Variants in GXYLT1 observed in about 807,000 individuals in gnomAD.
The protein encoded by GXYLT1 is glycosyltransferase 8 domain containing 3.
GXYLT1 carries 29 observed loss-of-function variants against 54.0 expected under a neutral mutation model. The observed-to-expected ratio is 0.54, with a 90% CI of 0.40 to 0.73. The LOEUF (loss-of-function observed/expected upper bound fraction) is 0.73. Among genes scored for constraint, GXYLT1 ranks in the 30% least tolerant of loss-of-function variants. The pLI is 0.00. For synonymous variants in GXYLT1, 176 were observed against 204.1 expected (o/e 0.86, Z 1.17); for missense variants, 490 against 553.4 (o/e 0.89, Z 1.15).
At chr12:42,110,702 C>G (rs2065448310) in intron 3 of GXYLT1, among the ~76,000 whole-genome samples, 1 of 152,188 alleles carries the variant, frequency 6.6e-6, no homozygotes, top group Non-Finnish European at 1.5e-5. Flanking sequence ...AGGTGCATGC[C>G]ACCACAACCA....
At chr12:42,093,753 C>T (rs556428160) in intron 7 of GXYLT1, among the ~76,000 whole-genome samples, 2 of 152,074 alleles carry the variant, frequency 1.3e-5, no homozygotes, top group South Asian at 4.2e-4. Flanking sequence ...GAGGGAGTTG[C>T]CTCAGCTGGT....
chr12:42,087,777 C>A lies in GXYLT1; in HGVS notation c.*9G>T, dbSNP rs1283038315. 7 of 1,580,978 alleles carry A rather than the reference C, an allele frequency of 4.4e-6. No individual in the cohort carries two copies. In the East Asian group the frequency reaches 9.0e-5, roughly 20 times the overall value. Reference sequence around the variant, plus strand: ...GTTTTCATCCATTTGATTAAGCAGTCACCAAGAATCACTTTTCCTTTGGTG... The same window carrying A: ...GTTTTCATCCATTTGATTAAGCAGTAACCAAGAATCACTTTTCCTTTGGTG... On this transcript the variant is annotated 3_prime_UTR_variant, in exon 8 of 8. Coordinates refer to ENST00000398675, the MANE Select transcript of GXYLT1 (RefSeq NM_173601.2).
chr12:42,110,623 C>A (rs1379118597), intron 3 of GXYLT1, among the ~76,000 whole-genome samples: 4 of 152,152 alleles, frequency 2.6e-5, no homozygotes, highest in Non-Finnish European at 5.9e-5. Flanking sequence ...GATTATGGTT[C>A]ACTGCAGCCT....
chr12:42,093,488 A>G (rs1232811608), intron 7 of GXYLT1, among the ~76,000 whole-genome samples: 1 of 152,198 alleles, frequency 6.6e-6, no homozygotes, highest in Admixed American at 6.5e-5. Flanking sequence ...CACTGAAAAA[A>G]ACAGGCTATA....
rs2065673224 is a variant in GXYLT1, at chr12:42,144,769, C to A, written c.-123G>T. 9.3e-6 allele frequency: 6 copies of A among 643,270 alleles called. No individual in the cohort carries two copies. The highest frequency in any genetic ancestry group is 1.9e-5 in the African/African-American group (1 of 51,850). 39.8% of individuals were successfully genotyped at this position (643,270 alleles called of 1,614,324 possible). ...TCCTCACCCGCAGCCGCCGCCGCCG[C>A]CTTGCGCCCGCTCCCTTCCTTCCCT... On this transcript the variant is annotated 5_prime_UTR_variant, in exon 1 of 8. Transcript: ENST00000398675.
chr12:42,097,650 C>A, intron 6 of GXYLT1, 36 bp from the exon 7 acceptor site: 4 of 1,538,756 alleles, frequency 2.6e-6, no homozygotes, highest in Middle Eastern at 1.7e-4. Flanking sequence ...GAAGCAAATA[C>A]CCCTAATTCC....
chr12:42,115,167 T>C (rs991575080), intron 3 of GXYLT1, among the ~76,000 whole-genome samples: 15 of 152,228 alleles, frequency 9.9e-5, no homozygotes, highest in South Asian at 4.1e-4. Context: ...AACCCACAGC[T>C]AATATCATAC....
At position 42,087,083 on chromosome 12, in the gene GXYLT1, CA is replaced by C. The variant is rs1189914400; in HGVS notation, c.*702del. 6.6e-6 allele frequency: 1 copy of C among 152,098 alleles called. No homozygotes were observed. Among genetic ancestry groups the C allele is most frequent in the Non-Finnish European group, 1.5e-5 (1 of 67,992 alleles). 9.4% of individuals were successfully genotyped at this position (152,098 alleles called of 1,614,324 possible). ...TGAGTTTTGGCAAGACAGTTTAATG[CA>C]TACAAAATGAAACACTACATTTCTC... On this transcript the variant is annotated 3_prime_UTR_variant, in exon 8 of 8. Transcript: ENST00000398675.
chr12:42,088,062 G>C, intron 7 of GXYLT1, 115 bp from the exon 8 acceptor site: 1 of 481,672 alleles, frequency 2.1e-6, no homozygotes, highest in Non-Finnish European at 3.6e-6. Flanking sequence ...TCCATTTAAC[G>C]TCTCACAGAA....
intron 4 of GXYLT1, among the ~76,000 whole-genome samples, chr12:42,109,010 A>C (rs1027578843): frequency 2.6e-5 from 4 of 152,228 alleles, no homozygotes; most frequent in African/African-American, 9.6e-5. Flanking sequence ...AAGAAAAAAA[A>C]ATCAAGGTTT....
At chr12:42,134,863 G>GC (rs2065610987) in intron 1 of GXYLT1, among the ~76,000 whole-genome samples, 1 of 152,088 alleles carries the variant, frequency 6.6e-6, no homozygotes, top group South Asian at 2.1e-4. Flanking sequence ...TCCCCTTGTT[G>GC]CCCATCTTCT....
intron 1 of GXYLT1, among the ~76,000 whole-genome samples, chr12:42,136,659 G>C (rs1192452100): frequency 1.3e-5 from 2 of 152,062 alleles, no homozygotes; most frequent in Non-Finnish European, 2.9e-5. Flanking sequence ...TTTGGGGGTG[G>C]TTACATGTAT....
intron 1 of GXYLT1, among the ~76,000 whole-genome samples, chr12:42,142,457 C>A (rs1313443836): frequency 6.6e-6 from 1 of 152,042 alleles, no homozygotes; most frequent in Non-Finnish European, 1.5e-5. Context: ...CCACCTTAGC[C>A]TCCCAAAGTG....
intron 1 of GXYLT1, among the ~76,000 whole-genome samples, chr12:42,136,537 A>G (rs1338545622): frequency 6.6e-6 from 1 of 152,134 alleles, no homozygotes; most frequent in Admixed American, 6.5e-5. Context: ...GCTCATCCTC[A>G]AGTTTAATAA....
At chr12:42,122,673 A>G (rs574367908) in intron 2 of GXYLT1, among the ~76,000 whole-genome samples, 17 of 152,186 alleles carry the variant, frequency 1.1e-4, no homozygotes, top group Non-Finnish European at 1.8e-4. Context: ...TTTTTTAAAG[A>G]TGAATACCAA....
intron 1 of GXYLT1, 61 bp downstream of exon 1, chr12:42,144,365 G>GCCGAGC (rs1264622327): frequency 8.5e-7 from 1 of 1,176,782 alleles, no homozygotes. Context: ...CCCGGGCTAG[G>GCCGAGC]CCGAGCCCGC....
rs796230494 is a variant in GXYLT1, at chr12:42,086,125, C to T, written c.*1661G>A. ...ACCATTAGAAATGATCTAATACATACCCTCCAAACTTCACATTTTTAGTAT... is the reference window on the plus strand; with the variant it reads ...ACCATTAGAAATGATCTAATACATATCCTCCAAACTTCACATTTTTAGTAT... On this transcript the variant is annotated 3_prime_UTR_variant, in exon 8 of 8. Transcript: ENST00000398675. The T allele has an allele frequency of 7.1e-6, 1 of 140,914 alleles. No homozygotes were observed. The highest frequency in any genetic ancestry group is 7.2e-5 in the Admixed American group (1 of 13,920). The allele number at this position is 140,914 out of a possible 1,614,324, so 8.7% of individuals were successfully genotyped here. A position where few individuals can be genotyped will look rare whatever the true frequency, so the allele number is the denominator to read the frequency against.
Position 42,109,685 on chromosome 12 carries a change from T to G in GXYLT1, c.493A>C (p.Asn165His). The change falls in exon 4 of 8, where the codon AAC becomes CAC. Residue 165 changes from asparagine to histidine, a missense_variant. Transcript: ENST00000398675. ...LHHSFKGRLD[N>H]WSFLQTFNYT... is the part of the protein sequence containing the mutation. Reference sequence around the variant, plus strand: ...TTAAATGTTTGTAGAAATGACCAGTTGTCAAGCTAAAACAATTTAAAAAAA... The same window carrying G: ...TTAAATGTTTGTAGAAATGACCAGTGGTCAAGCTAAAACAATTTAAAAAAA... The G allele has an allele frequency of 6.6e-7, 1 of 1,516,842 alleles. No individual in the cohort carries two copies. The highest frequency in any genetic ancestry group is 9.0e-7 in the Non-Finnish European group (1 of 1,115,230). 94.0% of individuals were successfully genotyped at this position (1,516,842 alleles called of 1,614,324 possible).
chr12:42,130,179 T>C (rs1180097766), intron 1 of GXYLT1, among the ~76,000 whole-genome samples: 2 of 152,276 alleles, frequency 1.3e-5, no homozygotes, highest in East Asian at 3.9e-4. Flanking sequence ...GCTACACATA[T>C]ACCCCTAGAA....
Sources: gnomAD v4.1 joint callset for allele counts (sites outside exome capture counted in the v4.1 genomes callset) on GRCh38, gnomAD v4.1.1 for gene constraint, MANE v1.5 for transcripts, NCBI Gene and HGNC (gene_info 2026-07-23, HGNC 2026-07-21) for gene names.